Variants in TCF7L1 observed in about 807,000 individuals in gnomAD.
TCF7L1 encodes the protein transcription factor 7-like 1.
In TCF7L1, 18 loss-of-function variants were observed where a neutral mutation model predicts 63.7. That is an observed-to-expected ratio of 0.28 (90% CI 0.20 to 0.42). The LOEUF (loss-of-function observed/expected upper bound fraction) is 0.42, where lower values mean the gene tolerates loss of function less well. Ranked by LOEUF, TCF7L1 falls within the 10% of genes least tolerant of loss-of-function variation. TCF7L1 has a pLI of 1.00. For missense variants in TCF7L1, 654 were observed against 779.3 expected, an observed-to-expected ratio of 0.84 and a Z score of 1.91; for synonymous variants, 355 against 340.9, an observed-to-expected ratio of 1.04 and a Z score of -0.46.
At position 85,283,563 on chromosome 2, in the gene TCF7L1, A is replaced by G. The variant is rs1035669232; in HGVS notation, c.510A>G (p.Pro170=). Reference sequence around the variant, plus strand: ...CCACAGTCAAGGACACGAGGTCACCATCTCCAGCACACTTGGTAAGTCTGT... The same window carrying G: ...CCACAGTCAAGGACACGAGGTCACCGTCTCCAGCACACTTGGTAAGTCTGT... The part of the protein sequence containing the change: ...SSATVKDTRS[P]SPAHLSNKVP... The change falls in exon 4 of 12, where the codon CCA becomes CCG. Residue 170 remains proline (P), a synonymous_variant. Transcript: ENST00000282111. 1.2e-6 allele frequency: 2 copies of G among 1,614,154 alleles called. No individual in the cohort carries two copies. The highest frequency in any genetic ancestry group is 1.3e-5 in the African/African-American group (1 of 75,028).
Position 85,207,449 on chromosome 2 carries a change from A to G in TCF7L1, c.441+72999A>G, listed in dbSNP as rs572893286. Among the ~76,000 whole-genome samples the G allele has an allele frequency of 2.0e-5, 3 of 152,160 alleles. No individual in the cohort carries two copies. In the South Asian group the frequency reaches 6.2e-4, roughly 32 times the overall value. ...CACAGCACCCTTGGCACTTATCTGAAACATAGCTTTGTATTTTTTTGTACA... is the reference window on the plus strand; with the variant it reads ...CACAGCACCCTTGGCACTTATCTGAGACATAGCTTTGTATTTTTTTGTACA... On this transcript the variant is annotated intron_variant, in intron 3 of 11. Coordinates refer to ENST00000282111, the MANE Select transcript of TCF7L1 (RefSeq NM_031283.3).
intron 11 of TCF7L1, 55 bp from the exon 12 acceptor site, chr2:85,308,974 C>T: frequency 6.6e-7 from 1 of 1,520,744 alleles, no homozygotes; most frequent in Non-Finnish European, 8.8e-7. Context: ...TGTTCCTCAG[C>T]CTCCTCCTCT....
Position 85,306,380 on chromosome 2 carries a change from C to T in TCF7L1, c.1149+15C>T. The T allele has an allele frequency of 6.2e-7, 1 of 1,613,640 alleles. No homozygotes were observed. The highest frequency in any genetic ancestry group is 8.5e-7 in the Non-Finnish European group (1 of 1,179,542). On this transcript the variant is annotated intron_variant, in intron 9 of 11. Transcript: ENST00000282111. The surrounding 1 kb of genome is among the most constrained non-coding windows in gnomAD (Gnocchi z 4.3). Reference sequence around the variant, plus strand: ...TTGGAAGAAAGGTAAGACCTGCCCTCTCCCTCCAGGCCAGGGAGGCAGCGT... The same window carrying T: ...TTGGAAGAAAGGTAAGACCTGCCCTTTCCCTCCAGGCCAGGGAGGCAGCGT...
In TCF7L1 at chr2:85,236,401, C is replaced by T. The variant is rs1218626674; in HGVS notation, c.442-47094C>T. The stretch of plus-strand genomic sequence containing the variant: ...GGCAAAATCAGGTCCATACTTCCCC[C>T]GTTTGTCTGCAGAGAGGCCTCTGGT... On this transcript the variant is annotated intron_variant, in intron 3 of 11. Coordinates refer to ENST00000282111, the MANE Select transcript of TCF7L1 (RefSeq NM_031283.3). 7.2e-5 allele frequency among the ~76,000 whole-genome samples: 11 copies of T among 152,134 alleles called. No individual in the cohort carries two copies. In the South Asian group the frequency reaches 1.0e-3, roughly 14 times the overall value.
chr2:85,199,916 C>T (rs1242993548), intron 3 of TCF7L1, among the ~76,000 whole-genome samples: 2 of 152,210 alleles, frequency 1.3e-5, no homozygotes, highest in African/African-American at 4.8e-5. Context: ...CAGTCACTCT[C>T]CTTTATCTCC....
At position 85,160,674 on chromosome 2, in the gene TCF7L1, G is replaced by A. The variant is rs186521978; in HGVS notation, c.441+26224G>A. Among the ~76,000 whole-genome samples, 7 of 151,640 alleles carry A rather than the reference G, an allele frequency of 4.6e-5. No individual in the cohort carries two copies. In the East Asian group the frequency reaches 1.4e-3, roughly 30 times the overall value. On this transcript the variant is annotated intron_variant, in intron 3 of 11. Coordinates refer to ENST00000282111, the MANE Select transcript of TCF7L1 (RefSeq NM_031283.3). ...GTTCCAGACCAGTCTGAGCAACAGG[G>A]CGAAACCCCATCTCTACAAAAAATA...
chr2:85,232,024 G>C (rs1190855435), intron 3 of TCF7L1, among the ~76,000 whole-genome samples: 2 of 152,184 alleles, frequency 1.3e-5, no homozygotes, highest in African/African-American at 4.8e-5. Flanking sequence ...TATGCTGTAA[G>C]ATGGGTGTCA....
chr2:85,309,727 G>A lies in TCF7L1; in HGVS notation c.*265G>A, dbSNP rs1019776265. ...GCGTGCTATTCGTCCTGTAGGTGCT[G>A]TGGTGGATGGACCTGGGCAGAGGGC... On this transcript the variant is annotated 3_prime_UTR_variant, in exon 12 of 12. Transcript: ENST00000282111. 2.4e-4 allele frequency: 93 copies of A among 395,688 alleles called. No individual in the cohort carries two copies. The highest frequency in any genetic ancestry group is 3.7e-4 in the Non-Finnish European group (82 of 222,654). The allele number at this position is 395,688 out of a possible 1,614,324, so 24.5% of individuals were successfully genotyped here. A position where few individuals can be genotyped will look rare whatever the true frequency, so the allele number is the denominator to read the frequency against.
chr2:85,238,671 C>T (rs1680251134), intron 3 of TCF7L1, among the ~76,000 whole-genome samples: 1 of 152,106 alleles, frequency 6.6e-6, no homozygotes, highest in African/African-American at 2.4e-5. Context: ...CAGATGGAAA[C>T]ACCCAGACAG....
intron 3 of TCF7L1, among the ~76,000 whole-genome samples, chr2:85,171,204 C>T (rs372160062): frequency 6.8e-4 from 103 of 152,274 alleles, no homozygotes; most frequent in African/African-American, 2.4e-3. Flanking sequence ...TTCACTGTCA[C>T]GTGAACAGCA....
intron 3 of TCF7L1, among the ~76,000 whole-genome samples, chr2:85,139,305 C>T (rs375193039): frequency 5.3e-5 from 8 of 152,230 alleles, no homozygotes; most frequent in African/African-American, 1.9e-4. Flanking sequence ...CTGCGCCCAG[C>T]CTAGATTTGC....
intron 3 of TCF7L1, among the ~76,000 whole-genome samples, chr2:85,226,746 T>A (rs1679963302): frequency 6.6e-6 from 1 of 151,932 alleles, no homozygotes; most frequent in Non-Finnish European, 1.5e-5. Flanking sequence ...CAGTTTGTGG[T>A]TTTCCAGCCT....
chr2:85,136,330 C>A (rs201640961), intron 3 of TCF7L1, among the ~76,000 whole-genome samples: 1 of 148,850 alleles, frequency 6.7e-6, no homozygotes, highest in African/African-American at 2.5e-5. Flanking sequence ...TGTTAGTGTC[C>A]CCTCCTTCCT....
intron 3 of TCF7L1, among the ~76,000 whole-genome samples, chr2:85,263,739 T>A (rs1412031821): frequency 6.6e-6 from 1 of 152,206 alleles, no homozygotes; most frequent in Non-Finnish European, 1.5e-5. Context: ...GGAGGAAGGC[T>A]GGAGCCAGCT....
At position 85,155,444 on chromosome 2, in the gene TCF7L1, C is replaced by T. The variant is rs368684265; in HGVS notation, c.441+20994C>T. Among the ~76,000 whole-genome samples, 6 of 152,318 alleles carry T rather than the reference C, an allele frequency of 3.9e-5. No individual in the cohort carries two copies. In the East Asian group the frequency reaches 9.6e-4, roughly 24 times the overall value. On this transcript the variant is annotated intron_variant, in intron 3 of 11. Coordinates refer to ENST00000282111, the MANE Select transcript of TCF7L1 (RefSeq NM_031283.3). ...CCACCTTTAAGAGCTGTAACGCTCA[C>T]TGTGAAGGTCCACAGCTTCATTCTT... is the stretch of plus-strand genomic sequence containing the variant.
At chr2:85,168,672 A>C (rs538129114) in intron 3 of TCF7L1, among the ~76,000 whole-genome samples, 127 of 151,850 alleles carry the variant, frequency 8.4e-4, no homozygotes, top group African/African-American at 2.7e-3. Context: ...CCCAGGCTGG[A>C]GTGCAGTGGT....
At chr2:85,252,405 C>T (rs966917305) in intron 3 of TCF7L1, among the ~76,000 whole-genome samples, 1 of 152,194 alleles carries the variant, frequency 6.6e-6, no homozygotes, top group Non-Finnish European at 1.5e-5. Context: ...TATAGCCACC[C>T]GTTCAGGCAG....
chr2:85,294,821 T>C (rs1681806398), intron 4 of TCF7L1, among the ~76,000 whole-genome samples: 1 of 152,062 alleles, frequency 6.6e-6, no homozygotes, highest in Non-Finnish European at 1.5e-5. Context: ...TCACTTGAGC[T>C]CAGGAGTTCG....
intron 3 of TCF7L1, among the ~76,000 whole-genome samples, chr2:85,267,662 A>AC (rs1242039698): frequency 1.3e-5 from 2 of 151,810 alleles, no homozygotes; most frequent in Admixed American, 6.6e-5. Context: ...AAAAAAAAAA[A>AC]AAAAAGAGTT....
Sources: allele counts gnomAD v4.1 joint callset (sites outside exome capture counted in the v4.1 genomes callset), GRCh38; gene constraint gnomAD v4.1.1; non-coding constraint Gnocchi (gnomAD v3.1); transcripts MANE v1.5; gene names NCBI Gene and HGNC (gene_info 2026-07-23, HGNC 2026-07-21).